HDAC9: variants seen among roughly 807,000 people sequenced by gnomAD.
The protein encoded by HDAC9 is MEF-2 interacting transcription repressor (MITR) protein.
In HDAC9, 41 loss-of-function variants were observed where a neutral mutation model predicts 139.4. That is an observed-to-expected ratio of 0.29 (90% confidence interval 0.23 to 0.38). HDAC9 has a LOEUF of 0.38. Ranked by LOEUF, HDAC9 falls within the 10% of genes least tolerant of loss-of-function variation. HDAC9 has a pLI of 1.00. For missense variants in HDAC9, 1,147 were observed against 1,297.0 expected, an observed-to-expected ratio of 0.88 and a Z score of 1.78; for synonymous variants, 517 against 476.2, an observed-to-expected ratio of 1.09 and a Z score of -1.12.
chr7:18,248,397 T>C (rs1794697302), intron 2 of HDAC9, among the ~76,000 whole-genome samples: 1 of 152,182 alleles, frequency 6.6e-6, no homozygotes, highest in Admixed American at 6.5e-5. Flanking sequence ...TATGCTCGTA[T>C]GACATTAAAA....
chr7:18,337,096 A>G (rs1488074488), intron 1 of HDAC9, among the ~76,000 whole-genome samples: 2 of 151,686 alleles, frequency 1.3e-5, no homozygotes, highest in South Asian at 2.1e-4. Context: ...AAAAAATTGC[A>G]GTCATTTGGA....
intron 22 of HDAC9, among the ~76,000 whole-genome samples, chr7:18,922,238 T>TA (rs1157179505): frequency 1.3e-5 from 2 of 151,932 alleles, no homozygotes; most frequent in Admixed American, 1.3e-4. Context: ...TAATAATAAT[T>TA]AAAAAACATT....
chr7:18,782,570 A>G (rs1276820200), intron 16 of HDAC9, among the ~76,000 whole-genome samples: 1 of 152,228 alleles, frequency 6.6e-6, no homozygotes, highest in East Asian at 1.9e-4. Context: ...CAGTTGAACT[A>G]GATCCATATG....
chr7:18,159,994 G>A (rs1450567663), intron 1 of HDAC9, among the ~76,000 whole-genome samples: 2 of 152,092 alleles, frequency 1.3e-5, no homozygotes, highest in Non-Finnish European at 2.9e-5. Flanking sequence ...ACTATTACAT[G>A]CCCAGCCACA....
intron 2 of HDAC9, among the ~76,000 whole-genome samples, chr7:18,168,749 A>T (rs1463603279): frequency 6.6e-6 from 1 of 152,110 alleles, no homozygotes; most frequent in African/African-American, 2.4e-5. Context: ...TATTTTGAGA[A>T]TGTCAACGTA....
intron 12 of HDAC9, among the ~76,000 whole-genome samples, chr7:18,723,751 A>G (rs1034874308): frequency 1.3e-5 from 2 of 152,176 alleles, no homozygotes; most frequent in African/African-American, 4.8e-5. Flanking sequence ...TGTTATTTAA[A>G]TGGAGTCCTT....
At chr7:18,935,616 G>A (rs1781576857) in intron 22 of HDAC9, among the ~76,000 whole-genome samples, 193 bp from the exon 23 acceptor site, 2 of 152,088 alleles carry the variant, frequency 1.3e-5, no homozygotes, top group Admixed American at 6.5e-5. Flanking sequence ...GGGATCTTGG[G>A]CTTTGGGTCC....
chr7:18,500,970 G>T (rs1347800781), intron 2 of HDAC9, among the ~76,000 whole-genome samples: 3 of 151,808 alleles, frequency 2.0e-5, no homozygotes, highest in Non-Finnish European at 4.4e-5. Context: ...AGAAATAGAA[G>T]AAAACAGAAT....
At chr7:18,840,691 C>T (rs1796528931) in intron 21 of HDAC9, among the ~76,000 whole-genome samples, 1 of 152,052 alleles carries the variant, frequency 6.6e-6, no homozygotes, top group Non-Finnish European at 1.5e-5. Flanking sequence ...CATTTGAGCA[C>T]ATACAAGCAG....
intron 12 of HDAC9, among the ~76,000 whole-genome samples, chr7:18,725,015 T>A (rs1785427686): frequency 6.6e-6 from 1 of 152,084 alleles, no homozygotes. Flanking sequence ...TAGTGCTGAA[T>A]GTGGAGCTTC....
chr7:18,295,359 A>G (rs1798075621), intron 1 of HDAC9, among the ~76,000 whole-genome samples: 1 of 152,324 alleles, frequency 6.6e-6, no homozygotes, highest in East Asian at 1.9e-4. Context: ...TAAATAATCA[A>G]AAAATACCAT....
intron 12 of HDAC9, among the ~76,000 whole-genome samples, chr7:18,692,899 A>G (rs1405557240): frequency 6.6e-6 from 1 of 152,152 alleles, no homozygotes; most frequent in Admixed American, 6.6e-5. Context: ...AGATGTTTGT[A>G]GTAAAAGAAA....
At chr7:18,482,277 T>A (rs1036216863) in intron 1 of HDAC9, among the ~76,000 whole-genome samples, 1 of 149,586 alleles carries the variant, frequency 6.7e-6, no homozygotes, top group Non-Finnish European at 1.5e-5. Context: ...AGCATAGTGG[T>A]GTGTACCTGC....
At chr7:18,130,379 G>A (rs17138641) in intron 1 of HDAC9, among the ~76,000 whole-genome samples, 8,278 of 152,144 alleles carry the variant, frequency 0.054, 307 homozygotes, top group East Asian at 0.14. Flanking sequence ...CATGAGGGAC[G>A]GTGATGCTGT....
intron 2 of HDAC9, among the ~76,000 whole-genome samples, chr7:18,522,435 T>C (rs901591877): frequency 6.6e-6 from 1 of 152,116 alleles, no homozygotes; most frequent in Non-Finnish European, 1.5e-5. Flanking sequence ...CCTAGCTGTC[T>C]GGCCACATTT....
At chr7:18,657,740 C>T (rs1300407691) in intron 11 of HDAC9, among the ~76,000 whole-genome samples, 1 of 152,094 alleles carries the variant, frequency 6.6e-6, no homozygotes, top group Non-Finnish European at 1.5e-5. Flanking sequence ...TCCCTAAATC[C>T]AGTCTTCCAT....
At chr7:18,091,248 G>C (rs112515122) in intron 1 of HDAC9, among the ~76,000 whole-genome samples, 279 of 152,314 alleles carry the variant, frequency 1.8e-3, no homozygotes, top group African/African-American at 6.5e-3. Flanking sequence ...GTTTACTATG[G>C]TGAATTTTGT....
At chr7:18,494,582 G>C (rs962741905), upstream of HDAC9, among the ~76,000 whole-genome samples, 1 of 152,022 alleles carries the variant, frequency 6.6e-6, no homozygotes. Flanking sequence ...TCTTTGGAAT[G>C]TAAAATTTAT....
chr7:18,216,921 G>A (rs1792358480), intron 2 of HDAC9, among the ~76,000 whole-genome samples: 1 of 152,106 alleles, frequency 6.6e-6, no homozygotes, highest in Non-Finnish European at 1.5e-5. Context: ...TACAAAGGAG[G>A]ACAGTAAAGT....
Sources: allele counts gnomAD v4.1 joint callset (sites outside exome capture counted in the v4.1 genomes callset), GRCh38; gene constraint gnomAD v4.1.1; transcripts MANE v1.5; gene names NCBI Gene and HGNC (gene_info 2026-07-23, HGNC 2026-07-21).